The following ME1 variants were observed in gnomAD, a reference collection of about 807,000 sequenced individuals.
The protein encoded by ME1 is NADP-dependent malic enzyme.
Under a neutral mutation model 66.4 loss-of-function variants are expected in ME1, and 74 were observed. That is an observed-to-expected ratio of 1.11 (90% CI 0.92 to 1.35). ME1 has a LOEUF of 1.35. ME1 is among the 40% of genes most tolerant of loss of function. The pLI is 0.00. For missense variants in ME1, 750 were observed against 694.1 expected, an observed-to-expected ratio of 1.08 and a Z score of -0.90; for synonymous variants, 251 against 235.6, an observed-to-expected ratio of 1.07 and a Z score of -0.60.
chr6:83,236,227 A>G (rs2128525154), intron 9 of ME1, among the ~76,000 whole-genome samples: 1 of 152,270 alleles, frequency 6.6e-6, no homozygotes, highest in Non-Finnish European at 1.5e-5. Flanking sequence ...TATCACTATT[A>G]TAATTAATGT....
intron 6 of ME1, among the ~76,000 whole-genome samples, chr6:83,311,065 G>C (rs955608051): frequency 6.6e-6 from 1 of 152,056 alleles, no homozygotes; most frequent in African/African-American, 2.4e-5. Flanking sequence ...CTTCTTTCTT[G>C]GGATGATAAG....
chr6:83,240,183 G>T (rs1217114832), intron 7 of ME1, among the ~76,000 whole-genome samples: 1 of 151,888 alleles, frequency 6.6e-6, no homozygotes, highest in African/African-American at 2.4e-5. Context: ...TTCACACAAA[G>T]AAACTCTTAA....
In ME1 at chr6:83,236,522, C is replaced by G. The variant is rs537614732; in HGVS notation, c.1026+1195G>C. ...GAAGGGGATTTATATGTACTTTTTT[C>G]TAGCAGTTTAAAGAATGATTGATAT... On this transcript the variant is annotated intron_variant, in intron 9 of 13. Transcript: ENST00000369705. Among the ~76,000 whole-genome samples the G allele has an allele frequency of 3.9e-5, 6 of 152,224 alleles. No homozygotes were observed. In the South Asian group the frequency reaches 1.2e-3, roughly 32 times the overall value.
intron 3 of ME1, among the ~76,000 whole-genome samples, chr6:83,377,314 A>G (rs1368615185): frequency 6.6e-6 from 1 of 152,240 alleles, no homozygotes; most frequent in East Asian, 1.9e-4. Flanking sequence ...TCAATTAAAA[A>G]TAAGTTTCCA....
intron 7 of ME1, among the ~76,000 whole-genome samples, chr6:83,241,039 T>C (rs1361222554): frequency 6.6e-6 from 1 of 152,112 alleles, no homozygotes; most frequent in African/African-American, 2.4e-5. Context: ...AAGGTGAAAA[T>C]CTATGCAAAA....
rs539627878 is a variant in ME1 at position 83,248,710 on chromosome 6, G to A, written c.814+4919C>T. On this transcript the variant is annotated intron_variant, in intron 7 of 13. Transcript: ENST00000369705. Reference sequence around the variant, plus strand: ...TTCCTTCACTCATCTCTCTCCTGCTGCCTTGTGAAGAAGGTGCTTGCTTCC... The same window carrying A: ...TTCCTTCACTCATCTCTCTCCTGCTACCTTGTGAAGAAGGTGCTTGCTTCC... Among the ~76,000 whole-genome samples the A allele has an allele frequency of 2.4e-4, 37 of 152,268 alleles. 2 individuals are homozygous for A. The South Asian group carries it at 7.5e-3, about 31-fold the overall frequency.
intron 9 of ME1, among the ~76,000 whole-genome samples, chr6:83,232,966 T>C (rs569975143): frequency 1.3e-5 from 2 of 152,310 alleles, no homozygotes; most frequent in South Asian, 4.1e-4. Flanking sequence ...AACCAGTCTA[T>C]GGCTTCATTC....
intron 9 of ME1, among the ~76,000 whole-genome samples, chr6:83,236,018 T>C (rs16882420): frequency 0.1 from 15,550 of 152,134 alleles, 1,040 homozygotes; most frequent in East Asian, 0.25. Flanking sequence ...TTTCCTTCTA[T>C]GACTTTCATA....
intron 6 of ME1, among the ~76,000 whole-genome samples, chr6:83,297,563 C>T (rs1294163444): frequency 6.6e-6 from 1 of 151,514 alleles, no homozygotes; most frequent in Admixed American, 6.6e-5. Context: ...AGGCTGAGCA[C>T]TTACGACCAT....
At chr6:83,422,042 C>T (rs1008533228) in intron 1 of ME1, among the ~76,000 whole-genome samples, 1 of 152,044 alleles carries the variant, frequency 6.6e-6, no homozygotes, top group African/African-American at 2.4e-5. Context: ...AAAGGGGGTC[C>T]TCATGGAAAC....
chr6:83,404,970 C>T (rs1218531632), intron 2 of ME1, among the ~76,000 whole-genome samples: 1 of 152,058 alleles, frequency 6.6e-6, no homozygotes, highest in Admixed American at 6.6e-5. Flanking sequence ...TTTTTGCTTA[C>T]AATTTTCTTG....
chr6:83,390,505 C>G (rs1480559565), intron 3 of ME1, among the ~76,000 whole-genome samples: 1 of 152,106 alleles, frequency 6.6e-6, no homozygotes, highest in African/African-American at 2.4e-5. Flanking sequence ...AAATACAACA[C>G]CTAAATTTAA....
intron 3 of ME1, among the ~76,000 whole-genome samples, chr6:83,375,303 T>G (rs1218189243): frequency 1.3e-5 from 2 of 152,176 alleles, no homozygotes; most frequent in Non-Finnish European, 2.9e-5. Context: ...CTTGAAGAGG[T>G]CCTTCGCATC....
chr6:83,383,811 T>C (rs1769452646), intron 3 of ME1, among the ~76,000 whole-genome samples: 1 of 151,854 alleles, frequency 6.6e-6, no homozygotes, highest in Non-Finnish European at 1.5e-5. Context: ...ACTTCTTTGC[T>C]TAGAAAAAAA....
At chr6:83,430,777 G>A in intron 1 of ME1, 100 bp downstream of exon 1, 1 of 1,061,622 alleles carries the variant, frequency 9.4e-7, no homozygotes, top group Non-Finnish European at 1.4e-6. Flanking sequence ...CTTCCCAGGG[G>A]AGCGGCGGAG....
In ME1 at chr6:83,284,294, T is replaced by A. The variant is rs538238390; in HGVS notation, c.705-30556A>T. Among the ~76,000 whole-genome samples, 10 of 151,804 alleles carry A rather than the reference T, an allele frequency of 6.6e-5. No individual in the cohort carries two copies. In the South Asian group the frequency reaches 2.1e-3, roughly 32 times the overall value. The stretch of plus-strand genomic sequence containing the variant: ...AAAAACCCAGAAAATGGATTCACAG[T>A]CAAATTCTACCAGATGTACAAAGAA... On this transcript the variant is annotated intron_variant, in intron 6 of 13. Transcript: ENST00000369705.
At chr6:83,214,716 G>A (rs975775921) in intron 13 of ME1, among the ~76,000 whole-genome samples, 17 of 152,068 alleles carry the variant, frequency 1.1e-4, no homozygotes, top group African/African-American at 3.4e-4. Context: ...AAGATGCCCA[G>A]GTCTTTTATC....
chr6:83,408,126 A>C (rs1186718670), intron 1 of ME1, among the ~76,000 whole-genome samples: 8 of 152,206 alleles, frequency 5.3e-5, no homozygotes, highest in African/African-American at 1.9e-4. Flanking sequence ...TGCCACTCAG[A>C]GATAATTAGG....
At chr6:83,249,036 G>T (rs1175950231) in intron 7 of ME1, among the ~76,000 whole-genome samples, 1 of 151,912 alleles carries the variant, frequency 6.6e-6, no homozygotes, top group Admixed American at 6.6e-5. Flanking sequence ...CTTAACTTAG[G>T]CATCTTTGTC....
Sources: allele counts gnomAD v4.1 joint callset (sites outside exome capture counted in the v4.1 genomes callset), GRCh38; gene constraint gnomAD v4.1.1; transcripts MANE v1.5; gene names NCBI Gene and HGNC (gene_info 2026-07-23, HGNC 2026-07-21).